The following PTGER3 variants were observed in gnomAD, a reference collection of about 807,000 sequenced individuals.
The protein encoded by PTGER3 is prostaglandin E receptor 3, also known as prostaglandin E2 receptor EP3 subtype.
Under a neutral mutation model 34.7 loss-of-function variants are expected in PTGER3, and 22 were observed. The ratio of observed to expected loss-of-function variants is 0.63; its 90% CI spans 0.45 to 0.91. The LOEUF (loss-of-function observed/expected upper bound fraction) is 0.91. Ranked by LOEUF, PTGER3 falls within the 40% of genes least tolerant of loss-of-function variation. The pLI is 0.00. For synonymous variants in PTGER3, 241 were observed against 230.1 expected (o/e 1.05, Z -0.43); for missense variants, 468 against 519.4 (o/e 0.90, Z 0.96).
chr1:70,988,213 C>A (rs1182954146), intron 2 of PTGER3, among the ~76,000 whole-genome samples: 5 of 152,168 alleles, frequency 3.3e-5, no homozygotes, highest in Non-Finnish European at 5.9e-5. Context: ...TAACTGTGAT[C>A]TTCAGGCAAA....
intron 4 of PTGER3, among the ~76,000 whole-genome samples, chr1:70,913,677 A>G (rs1487558586): frequency 6.6e-6 from 1 of 151,842 alleles, no homozygotes; most frequent in Non-Finnish European, 1.5e-5. Context: ...TTGCCGAGAG[A>G]TTTTATCAGG....
intron 1 of PTGER3, among the ~76,000 whole-genome samples, chr1:71,019,436 T>C (rs555702986): frequency 1.4e-4 from 22 of 152,192 alleles, no homozygotes; most frequent in Admixed American, 3.3e-4. Flanking sequence ...CCAGGCCCTC[T>C]AGCAGAGCTC....
intron 4 of PTGER3, among the ~76,000 whole-genome samples, chr1:70,855,780 C>A (rs1376556697): frequency 1.3e-5 from 2 of 151,884 alleles, no homozygotes; most frequent in East Asian, 3.9e-4. Context: ...CAACATAGAA[C>A]CTTAAGTTTA....
At chr1:70,926,712 A>T (rs1648128160) in intron 4 of PTGER3, among the ~76,000 whole-genome samples, 1 of 151,834 alleles carries the variant, frequency 6.6e-6, no homozygotes, top group African/African-American at 2.4e-5. Context: ...AACTTCCAAC[A>T]CTATGTTGAA....
intron 4 of PTGER3, among the ~76,000 whole-genome samples, chr1:70,921,781 G>A (rs1342277879): frequency 6.6e-6 from 1 of 152,290 alleles, no homozygotes; most frequent in East Asian, 1.9e-4. Flanking sequence ...TGGCAGCCCG[G>A]ATTCAAGGTT....
intron 2 of PTGER3, 177 bp downstream of exon 2, chr1:71,012,128 T>C: frequency 2.0e-6 from 3 of 1,518,590 alleles, no homozygotes; most frequent in Non-Finnish European, 2.6e-6. Flanking sequence ...GCATAAACAG[T>C]GGCATGCCAG....
chr1:70,852,531 A>T, exon 5 of PTGER3: 1 of 412,310 alleles, frequency 2.4e-6, no homozygotes, highest in Non-Finnish European at 4.3e-6. Flanking sequence ...AATGTGGATA[A>T]ATCTCAAGAA....
At chr1:71,010,636 T>C (rs1657355818) in intron 2 of PTGER3, 1 of 984,620 alleles carries the variant, frequency 1.0e-6, no homozygotes, top group Non-Finnish European at 1.2e-6. Flanking sequence ...TTTTGTCTTA[T>C]ACCCAATGAG....
At chr1:70,962,115 G>T (rs1651990535) in intron 2 of PTGER3, among the ~76,000 whole-genome samples, 1 of 152,148 alleles carries the variant, frequency 6.6e-6, no homozygotes, top group Non-Finnish European at 1.5e-5. Flanking sequence ...CAGATATAGA[G>T]TCTTGAAGAT....
chr1:70,944,853 G>T (rs1197924940), intron 4 of PTGER3, among the ~76,000 whole-genome samples: 1 of 152,036 alleles, frequency 6.6e-6, no homozygotes, highest in Non-Finnish European at 1.5e-5. Context: ...AGGTAAAAAG[G>T]GTTTTGGGTC....
intron 4 of PTGER3, among the ~76,000 whole-genome samples, chr1:70,945,447 A>G (rs1650137696): frequency 6.6e-6 from 1 of 152,148 alleles, no homozygotes; most frequent in African/African-American, 2.4e-5. Flanking sequence ...GTCCAGAGAA[A>G]GTAACTCTGC....
intron 4 of PTGER3, among the ~76,000 whole-genome samples, chr1:70,910,121 C>T (rs1211322835): frequency 6.6e-6 from 1 of 152,202 alleles, no homozygotes; most frequent in Non-Finnish European, 1.5e-5. Flanking sequence ...TGATCACAAC[C>T]TTAATGATAT....
chr1:71,006,400 A>T (rs1656967867), intron 2 of PTGER3: 1 of 985,420 alleles, frequency 1.0e-6, no homozygotes, highest in Non-Finnish European at 1.2e-6. Flanking sequence ...ATAGCTGGGG[A>T]TCCCAGTATT....
intron 1 of PTGER3, 138 bp downstream of exon 1, chr1:71,046,543 G>A (rs1276214731): frequency 2.8e-6 from 3 of 1,082,392 alleles, no homozygotes; most frequent in African/African-American, 3.2e-5. Context: ...AACCAAGACC[G>A]CGCGGGCAGG....
At chr1:71,028,994 C>T (rs1659178034) in intron 1 of PTGER3, among the ~76,000 whole-genome samples, 1 of 152,160 alleles carries the variant, frequency 6.6e-6, no homozygotes, top group African/African-American at 2.4e-5. Context: ...TATTTATCAT[C>T]TGTGGCCTTA....
At chr1:71,030,317 T>C (rs1312059966) in intron 1 of PTGER3, among the ~76,000 whole-genome samples, 1 of 152,120 alleles carries the variant, frequency 6.6e-6, no homozygotes, top group African/African-American at 2.4e-5. Flanking sequence ...CTCTTTTCCC[T>C]AATTATAAGA....
chr1:70,852,964 C>T lies in PTGER3; in HGVS notation c.*24-105G>A, dbSNP rs978801479. ...ATTCTCATAAATTTCAGATTATGAA[C>T]AGGAATGGTAAATCACTTACAGCAG... On this transcript the variant is annotated intron_variant, in intron 4 of 4. Transcript: ENST00000370931. The T allele has an allele frequency of 4.7e-6, 6 of 1,288,280 alleles. No individual in the cohort carries two copies. The African/African-American group carries it at 7.4e-5, about 16-fold the overall frequency. The allele number at this position is 1,288,280 out of a possible 1,614,324, so 79.8% of individuals were successfully genotyped here. A position where few individuals can be genotyped will look rare whatever the true frequency, so the allele number is the denominator to read the frequency against.
Position 70,887,759 on chromosome 1 carries a change from T to C in PTGER3, c.*24-34900A>G, listed in dbSNP as rs531288223. On this transcript the variant is annotated intron_variant, in intron 4 of 4. Coordinates refer to the PTGER3 transcript ENST00000370931. Reference sequence around the variant, plus strand: ...TGCTTGTGAGCTGGCTGATTTATATTAGCTATTATGTTCTAGCTGGGTGGT... The same window carrying C: ...TGCTTGTGAGCTGGCTGATTTATATCAGCTATTATGTTCTAGCTGGGTGGT... 1.2e-4 allele frequency among the ~76,000 whole-genome samples: 18 copies of C among 152,350 alleles called. No homozygotes were observed. The South Asian group carries it at 3.7e-3, about 32-fold the overall frequency.
At chr1:70,940,822 T>C (rs1275203122) in intron 4 of PTGER3, among the ~76,000 whole-genome samples, 1 of 152,102 alleles carries the variant, frequency 6.6e-6, no homozygotes, top group Non-Finnish European at 1.5e-5. Context: ...GGGTATTCCT[T>C]AGTTGTTTGT....
Sources: allele counts gnomAD v4.1 joint callset (sites outside exome capture counted in the v4.1 genomes callset), GRCh38; gene constraint gnomAD v4.1.1; transcripts MANE v1.5; gene names NCBI Gene and HGNC (gene_info 2026-07-23, HGNC 2026-07-21).